SPATA31F1: variants seen among roughly 807,000 people sequenced by gnomAD.
SPATA31F1 encodes SPATA31 subfamily F member 1.
At chr9:34,725,581 A>G in the SPATA31F1 span, 4 of 1,464,498 alleles carry the variant, frequency 2.7e-6, no homozygotes, top group Non-Finnish European at 3.7e-6. Context: ...CACAGGGCTC[A>G]TGCTGCATGA....
the SPATA31F1 span, chr9:34,727,117 C>T: frequency 1.4e-6 from 2 of 1,423,656 alleles, no homozygotes; most frequent in Non-Finnish European, 1.8e-6. Flanking sequence ...TTGTTGTCTA[C>T]CTGTCTGCTT....
At chr9:34,726,763 G>C in the SPATA31F1 span, 41 of 1,551,604 alleles carry the variant, frequency 2.6e-5, no homozygotes, top group Non-Finnish European at 3.3e-5. Context: ...GCTCTCTGGT[G>C]TGCCAGGAAT....
At chr9:34,723,939 G>T in the SPATA31F1 span, 8 of 1,551,418 alleles carry the variant, frequency 5.2e-6, no homozygotes, top group Non-Finnish European at 7.0e-6. Context: ...TGAAAGCTAC[G>T]GCTCCATCGC....
the SPATA31F1 span, chr9:34,728,716 A>G: frequency 1.4e-6 from 2 of 1,450,502 alleles, no homozygotes; most frequent in Non-Finnish European, 1.9e-6. Context: ...CATGTCCAAA[A>G]TGAGACAAAA....
chr9:34,729,343 A>G, the SPATA31F1 span: 24 of 1,551,848 alleles, frequency 1.5e-5, 1 homozygote, highest in Admixed American at 1.2e-4. Context: ...TTCACTTGCC[A>G]GATAATTACA....
chr9:34,728,125 C>T, the SPATA31F1 span: 1 of 1,528,962 alleles, frequency 6.5e-7, no homozygotes, highest in East Asian at 2.5e-5. Context: ...GGGATAATTT[C>T]ATAGGCATCC....
the SPATA31F1 span, chr9:34,724,754 A>G: frequency 1.3e-6 from 2 of 1,551,764 alleles, no homozygotes; most frequent in Admixed American, 2.0e-5. Flanking sequence ...TTCAAATGAA[A>G]CCATCTGAAT....
At chr9:34,724,186 T>G in the SPATA31F1 span, 157 of 1,551,282 alleles carry the variant, frequency 1.0e-4, no homozygotes, top group Admixed American at 1.4e-3. Flanking sequence ...CCAGGCTGGG[T>G]TTGTTCACAT....
the SPATA31F1 span, chr9:34,725,140 C>T: frequency 1.9e-6 from 3 of 1,546,198 alleles, no homozygotes; most frequent in East Asian, 2.5e-5. Context: ...TTCTGCAGTC[C>T]CAGGACCTGT....
chr9:34,728,073 C>T, the SPATA31F1 span: 17 of 1,551,816 alleles, frequency 1.1e-5, no homozygotes, highest in South Asian at 2.4e-5. Flanking sequence ...TTCCCGGGAA[C>T]GTCTCCTAGC....
At chr9:34,729,103 C>A in the SPATA31F1 span, among the ~76,000 whole-genome samples, 1 of 152,140 alleles carries the variant, frequency 6.6e-6, no homozygotes, top group African/African-American at 2.4e-5. Flanking sequence ...GCTTTTCAAT[C>A]AGACTATGTT....
chr9:34,729,177 A>T, the SPATA31F1 span: 1 of 1,320,942 alleles, frequency 7.6e-7, no homozygotes, highest in Non-Finnish European at 1.0e-6. Flanking sequence ...AAGGTAACTG[A>T]AAGTATGCTA....
At chr9:34,724,975 G>A in the SPATA31F1 span, 3 of 1,551,868 alleles carry the variant, frequency 1.9e-6, no homozygotes, top group Admixed American at 5.9e-5. Context: ...GGTGTTCAGT[G>A]ACAGTACCTG....
the SPATA31F1 span, chr9:34,723,390 C>G: frequency 6.4e-7 from 1 of 1,551,712 alleles, no homozygotes; most frequent in Non-Finnish European, 8.7e-7. Flanking sequence ...GCTGGGCCCA[C>G]CAGCTTCTGA....
At chr9:34,727,921 T>TC in the SPATA31F1 span, 2 of 1,112,734 alleles carry the variant, frequency 1.8e-6, no homozygotes. Context: ...TATGTCTCCC[T>TC]CCCAGCCATT....
At chr9:34,728,541 A>C in the SPATA31F1 span, 1 of 1,480,904 alleles carries the variant, frequency 6.8e-7, no homozygotes. Context: ...TCCAGAGGTC[A>C]CAGAGGGACA....
chr9:34,724,926 TCTCAA>T, the SPATA31F1 span: 1 of 1,551,144 alleles, frequency 6.4e-7, no homozygotes, highest in Non-Finnish European at 8.7e-7. Context: ...GTCTCCAGTT[TCTCAA>T]TGGCTTCCAC....
the SPATA31F1 span, chr9:34,724,771 C>G: frequency 6.4e-7 from 1 of 1,551,620 alleles, no homozygotes; most frequent in African/African-American, 1.4e-5. Context: ...GAATCAGAGG[C>G]TCTGCTGGGA....
the SPATA31F1 span, chr9:34,723,506 G>C: frequency 6.4e-7 from 1 of 1,551,820 alleles, no homozygotes. Context: ...TTCTTTTCTG[G>C]TTTTGGCCAC....
Sources: allele counts gnomAD v4.1 joint callset (sites outside exome capture counted in the v4.1 genomes callset), GRCh38; gene constraint gnomAD v4.1.1; transcripts MANE v1.5; gene names NCBI Gene and HGNC (gene_info 2026-07-23, HGNC 2026-07-21).